Variants in KCNIP4 observed in about 807,000 individuals in gnomAD.
The protein encoded by KCNIP4 is potassium voltage-gated channel interacting protein 4, also known as Kv channel-interacting protein 4.
In KCNIP4, 12 loss-of-function variants were observed where a neutral mutation model predicts 34.0. The ratio of observed to expected loss-of-function variants is 0.35; its 90% CI spans 0.23 to 0.57. The LOEUF is 0.57. Ranked by LOEUF, KCNIP4 falls within the 20% of genes least tolerant of loss-of-function variation. The probability of loss-of-function intolerance (pLI) is 0.83; values close to 1 mark genes in which losing one functional copy is unlikely to be tolerated. For synonymous variants in KCNIP4, 124 were observed against 102.2 expected, an observed-to-expected ratio of 1.21 and a Z score of -1.29; for missense variants, 238 against 311.7, an observed-to-expected ratio of 0.76 and a Z score of 1.78.
intron 2 of KCNIP4, among the ~76,000 whole-genome samples, chr4:20,871,265 G>C (rs953504499): frequency 6.6e-6 from 1 of 152,010 alleles, no homozygotes; most frequent in South Asian, 2.1e-4. Flanking sequence ...ATTGGACATC[G>C]GAGTGGCAAT....
chr4:20,998,061 A>T (rs1250437982), intron 1 of KCNIP4, among the ~76,000 whole-genome samples: 5 of 152,208 alleles, frequency 3.3e-5, no homozygotes, highest in African/African-American at 1.2e-4. Context: ...ATAATCTGGG[A>T]TTCATCCACA....
chr4:21,839,631 T>C (rs1467524397), intron 1 of KCNIP4, among the ~76,000 whole-genome samples: 1 of 152,110 alleles, frequency 6.6e-6, no homozygotes, highest in Non-Finnish European at 1.5e-5. Flanking sequence ...CACATGCCTG[T>C]AATCCCAGCT....
In KCNIP4 at chr4:21,352,325, C is replaced by T. The variant is rs573546422; in HGVS notation, c.62-469616G>A. ...GGCAAGCCAAAGCAGGGTGGGACGT[C>T]GCCTCACCCAGGAAGTGCAAGGGGT... On this transcript the variant is annotated intron_variant, in intron 1 of 8. Transcript: ENST00000382152. Among the ~76,000 whole-genome samples, 16 of 152,274 alleles carry T rather than the reference C, an allele frequency of 1.1e-4. No homozygotes were observed. In the South Asian group the frequency reaches 2.5e-3, roughly 24 times the overall value.
chr4:21,284,212 CAAA>C (rs545337941), intron 1 of KCNIP4, among the ~76,000 whole-genome samples: 7 of 85,576 alleles, frequency 8.2e-5, no homozygotes, highest in African/African-American at 4.3e-5. Context: ...GACTCCGTCT[CAAA>C]AAAAAAAAAA....
At chr4:21,946,832 G>A (rs2109025899) in intron 1 of KCNIP4, among the ~76,000 whole-genome samples, 1 of 152,270 alleles carries the variant, frequency 6.6e-6, no homozygotes, top group South Asian at 2.1e-4. Flanking sequence ...GTGAACACAT[G>A]CTGATTCTGG....
intron 1 of KCNIP4, among the ~76,000 whole-genome samples, chr4:21,452,206 C>A (rs374315344): frequency 1.3e-4 from 20 of 152,048 alleles, no homozygotes; most frequent in African/African-American, 4.6e-4. Flanking sequence ...ATAAAAAATT[C>A]TCCCTAATGA....
intron 1 of KCNIP4, among the ~76,000 whole-genome samples, chr4:20,893,526 G>T (rs1053084232): frequency 8.6e-5 from 13 of 151,492 alleles, no homozygotes; most frequent in Non-Finnish European, 1.6e-4. Flanking sequence ...GGGCTCAAGT[G>T]ATCCTCCCGC....
At chr4:20,972,579 A>G (rs1411431429) in intron 1 of KCNIP4, among the ~76,000 whole-genome samples, 1 of 152,194 alleles carries the variant, frequency 6.6e-6, no homozygotes, top group Non-Finnish European at 1.5e-5. Context: ...CCATGCTATA[A>G]ACAGATGTGT....
intron 1 of KCNIP4, among the ~76,000 whole-genome samples, chr4:21,885,143 A>T (rs561970085): frequency 1.3e-5 from 2 of 152,230 alleles, no homozygotes; most frequent in African/African-American, 4.8e-5. Flanking sequence ...AATTCCTAGG[A>T]TGTAACTGGG....
chr4:21,299,235 T>G (rs1007608889), intron 1 of KCNIP4, among the ~76,000 whole-genome samples: 4 of 151,982 alleles, frequency 2.6e-5, no homozygotes, highest in African/African-American at 9.6e-5. Flanking sequence ...ATAATTGTTT[T>G]ATTTTATAGC....
At chr4:21,939,468 C>T (rs1730071473) in intron 1 of KCNIP4, among the ~76,000 whole-genome samples, 1 of 152,088 alleles carries the variant, frequency 6.6e-6, no homozygotes, top group Non-Finnish European at 1.5e-5. Context: ...TCCCTCACTC[C>T]ATGTCCCTGG....
intron 1 of KCNIP4, among the ~76,000 whole-genome samples, chr4:21,121,464 C>G (rs1046903396): frequency 5.9e-5 from 9 of 152,162 alleles, no homozygotes; most frequent in Non-Finnish European, 1.0e-4. Flanking sequence ...CTAAGTCACT[C>G]GTTACATATT....
chr4:21,510,690 C>T (rs1160070044), intron 1 of KCNIP4, among the ~76,000 whole-genome samples: 9 of 151,956 alleles, frequency 5.9e-5, no homozygotes, highest in Admixed American at 5.9e-4. Context: ...GTTGACCCCT[C>T]ATTTTTATTT....
At chr4:21,770,262 C>G (rs2109189071) in intron 1 of KCNIP4, among the ~76,000 whole-genome samples, 1 of 152,248 alleles carries the variant, frequency 6.6e-6, no homozygotes, top group South Asian at 2.1e-4. Flanking sequence ...ATGATGGCTT[C>G]CAGCTTCATC....
chr4:21,856,227 T>G (rs551275373), intron 1 of KCNIP4, among the ~76,000 whole-genome samples: 1 of 152,244 alleles, frequency 6.6e-6, no homozygotes, highest in Admixed American at 6.5e-5. Flanking sequence ...GTGTGGACTC[T>G]ACTCTATATC....
In KCNIP4 at chr4:21,386,455, C is replaced by G. The variant is rs149224149; in HGVS notation, c.62-503746G>C. Among the ~76,000 whole-genome samples the G allele has an allele frequency of 4.4e-3, 670 of 152,278 alleles. 6 individuals are homozygous for G. The highest frequency in any genetic ancestry group is 0.015 in the African/African-American group (633 of 41,552). ...AAAAAAAAGAACTCAGGAAAATGCT[C>G]TCCATATTCTCTGTATCTCCTGTTG... On this transcript the variant is annotated intron_variant, in intron 1 of 8. Coordinates refer to ENST00000382152, the MANE Select transcript of KCNIP4 (RefSeq NM_025221.6).
At chr4:21,130,545 A>G (rs1411035614) in intron 1 of KCNIP4, among the ~76,000 whole-genome samples, 1 of 152,210 alleles carries the variant, frequency 6.6e-6, no homozygotes, top group Non-Finnish European at 1.5e-5. Context: ...TTCCTTGAAC[A>G]TGAAGACAAG....
chr4:21,680,455 T>C (rs1327531798), intron 1 of KCNIP4, among the ~76,000 whole-genome samples: 2 of 152,230 alleles, frequency 1.3e-5, no homozygotes, highest in Non-Finnish European at 2.9e-5. Context: ...AATGTTGATG[T>C]TTTGACTTCC....
intron 3 of KCNIP4, among the ~76,000 whole-genome samples, chr4:20,784,175 C>G (rs1048231418): frequency 3.1e-4 from 47 of 152,322 alleles, no homozygotes; most frequent in Non-Finnish European, 2.9e-4. Context: ...TAATTCCTAT[C>G]TAGCTTGCTG....
Sources: allele counts gnomAD v4.1 joint callset (sites outside exome capture counted in the v4.1 genomes callset), GRCh38; gene constraint gnomAD v4.1.1; transcripts MANE v1.5; gene names NCBI Gene and HGNC (gene_info 2026-07-23, HGNC 2026-07-21).